ZFHX3: variants seen among roughly 807,000 people sequenced by gnomAD.
ZFHX3 encodes zinc finger homeobox protein 3.
A neutral mutation model predicts 279.1 loss-of-function variants in ZFHX3; 42 were observed. The observed-to-expected ratio is 0.15, with a 90% confidence interval of 0.12 to 0.19. ZFHX3 has a LOEUF of 0.19. ZFHX3 is among the 10% of genes least tolerant of loss of function. The pLI is 1.00. For missense variants in ZFHX3, 4,981 were observed against 4,754.0 expected, an observed-to-expected ratio of 1.05 and a Z score of -1.40; for synonymous variants, 2,293 against 1,957.8, an observed-to-expected ratio of 1.17 and a Z score of -4.52.
chr16:73,579,506 CT>C (rs1221002384), intron 2 of ZFHX3, among the ~76,000 whole-genome samples: 636 of 144,894 alleles, frequency 4.4e-3, no homozygotes, highest in African/African-American at 0.011. Context: ...TTATTATAAT[CT>C]TTTTTTTTTT....
chr16:73,055,698 G>GCACACACACACACACA (rs71156135), intron 1 of ZFHX3, among the ~76,000 whole-genome samples: 4 of 109,480 alleles, frequency 3.7e-5, no homozygotes, highest in African/African-American at 5.9e-5. Flanking sequence ...GCGCGCGCGC[G>GCACACACACACACACA]CACACACACA....
chr16:73,504,219 A>C (rs1292578324), intron 2 of ZFHX3: 2 of 152,074 alleles, frequency 1.3e-5, no homozygotes, highest in South Asian at 2.1e-4. Flanking sequence ...TAAAAATCTT[A>C]ATGTTTTCTT....
chr16:73,140,307 C>T (rs748744411), intron 6 of ZFHX3, among the ~76,000 whole-genome samples: 8 of 152,012 alleles, frequency 5.3e-5, no homozygotes, highest in African/African-American at 7.3e-5. Flanking sequence ...ATTCAGTAAA[C>T]GAAACTAAAA....
intron 1 of ZFHX3, among the ~76,000 whole-genome samples, chr16:72,987,469 G>A (rs1238108502): frequency 6.6e-6 from 1 of 152,166 alleles, no homozygotes; most frequent in Non-Finnish European, 1.5e-5. Flanking sequence ...AGTTTAGGTA[G>A]AGGGACCTCT....
chr16:72,907,805 TC>T (rs1275257356), intron 3 of ZFHX3, among the ~76,000 whole-genome samples: 1 of 151,656 alleles, frequency 6.6e-6, no homozygotes, highest in Non-Finnish European at 1.5e-5. Flanking sequence ...CACCTCTGCC[TC>T]CAGAGTAGCT....
At chr16:73,763,354 T>C (rs558588841) in intron 1 of ZFHX3, among the ~76,000 whole-genome samples, 2 of 152,204 alleles carry the variant, frequency 1.3e-5, no homozygotes, top group Non-Finnish European at 2.9e-5. Flanking sequence ...AGGTGTGTAA[T>C]TGTAAATCAA....
rs1050256068 is a variant in ZFHX3, at chr16:73,587,713, A to T, written c.-1547+92467T>A. Among the ~76,000 whole-genome samples, 3 of 152,250 alleles carry T rather than the reference A, an allele frequency of 2.0e-5. No homozygotes were observed. In the East Asian group the frequency reaches 5.8e-4, roughly 29 times the overall value. On this transcript the variant is annotated intron_variant, in intron 2 of 17. Transcript: ENST00000641206. ...AAACATACCCAATAGAGAAATAGTA[A>T]TTGGAGAGTTTGAGTAATTTATAGT...
chr16:73,422,614 C>G (rs1277604160), intron 3 of ZFHX3, among the ~76,000 whole-genome samples: 1 of 152,218 alleles, frequency 6.6e-6, no homozygotes, highest in Non-Finnish European at 1.5e-5. Flanking sequence ...AGCACCCAGA[C>G]TTAGGTCTAG....
chr16:73,525,805 T>G (rs993764542), intron 2 of ZFHX3, among the ~76,000 whole-genome samples: 3 of 152,194 alleles, frequency 2.0e-5, no homozygotes, highest in Admixed American at 1.3e-4. Flanking sequence ...CTAGTAATTT[T>G]TCTCTTAGGA....
intron 5 of ZFHX3, among the ~76,000 whole-genome samples, chr16:73,223,833 A>C (rs542355464): frequency 2.6e-5 from 4 of 152,324 alleles, no homozygotes; most frequent in African/African-American, 9.6e-5. Context: ...TGAATAAACC[A>C]TGGTACACCC....
intron 3 of ZFHX3, among the ~76,000 whole-genome samples, chr16:73,423,534 C>T (rs1404463877): frequency 2.6e-5 from 4 of 152,150 alleles, no homozygotes; most frequent in Non-Finnish European, 5.9e-5. Flanking sequence ...GGAAAGCCTG[C>T]TGAAGGATTC....
intron 3 of ZFHX3, among the ~76,000 whole-genome samples, chr16:73,422,783 T>C (rs1378729071): frequency 1.3e-5 from 2 of 152,202 alleles, no homozygotes; most frequent in Non-Finnish European, 1.5e-5. Flanking sequence ...CAATCTCCAT[T>C]GAATACTATG....
chr16:73,114,103 T>A (rs1966407350), intron 7 of ZFHX3, among the ~76,000 whole-genome samples: 1 of 151,718 alleles, frequency 6.6e-6, no homozygotes, highest in Non-Finnish European at 1.5e-5. Context: ...GCCATTTTTT[T>A]TTAAGAGATG....
At chr16:73,543,037 G>A (rs960347229) in intron 2 of ZFHX3, among the ~76,000 whole-genome samples, 2 of 152,164 alleles carry the variant, frequency 1.3e-5, no homozygotes, top group Admixed American at 6.5e-5. Context: ...TGGGGACCAC[G>A]GGAAGGAGAA....
At chr16:72,832,177 A>C (rs750618400) in intron 4 of ZFHX3, among the ~76,000 whole-genome samples, 1 of 152,210 alleles carries the variant, frequency 6.6e-6, no homozygotes, top group Non-Finnish European at 1.5e-5. Flanking sequence ...CCAGCACATT[A>C]TACAGCCTGC....
At chr16:72,818,213 ATG>A (rs1219090125) in intron 5 of ZFHX3, among the ~76,000 whole-genome samples, 1 of 152,184 alleles carries the variant, frequency 6.6e-6, no homozygotes, top group African/African-American at 2.4e-5. Flanking sequence ...GGAAGGTGAA[ATG>A]TGTGTTTCCC....
chr16:73,693,234 A>G (rs1037403725), intron 1 of ZFHX3, among the ~76,000 whole-genome samples: 1 of 152,154 alleles, frequency 6.6e-6, no homozygotes, highest in African/African-American at 2.4e-5. Context: ...TAAGTAGCAA[A>G]TATAGGTGTG....
At chr16:73,286,051 C>T (rs2014587570) in intron 4 of ZFHX3, among the ~76,000 whole-genome samples, 1 of 152,162 alleles carries the variant, frequency 6.6e-6, no homozygotes, top group East Asian at 1.9e-4. Flanking sequence ...GGATCTGAGA[C>T]AGTCTGTCAC....
At chr16:72,926,127 C>T (rs1441282238) in intron 3 of ZFHX3, among the ~76,000 whole-genome samples, 3 of 152,148 alleles carry the variant, frequency 2.0e-5, no homozygotes, top group Non-Finnish European at 4.4e-5. Context: ...TCAACTGAAA[C>T]CTTTAAAAAC....
Sources: allele counts gnomAD v4.1 joint callset (sites outside exome capture counted in the v4.1 genomes callset), GRCh38; gene constraint gnomAD v4.1.1; transcripts MANE v1.5; gene names NCBI Gene and HGNC (gene_info 2026-07-23, HGNC 2026-07-21).